The following VPS26C variants were observed in gnomAD, a reference collection of about 807,000 sequenced individuals.
The protein encoded by VPS26C is vacuolar protein sorting-associated protein 26C.
VPS26C carries 19 observed loss-of-function variants against 30.6 expected under a neutral mutation model. That is an observed-to-expected ratio of 0.62 (90% CI 0.43 to 0.91). The LOEUF is 0.91. VPS26C is among the 40% of genes least tolerant of loss of function. The pLI is 0.00. For missense variants in VPS26C, 318 were observed against 385.1 expected, an observed-to-expected ratio of 0.83 and a Z score of 1.46; for synonymous variants, 132 against 151.5, an observed-to-expected ratio of 0.87 and a Z score of 0.95.
intron 3 of VPS26C, among the ~76,000 whole-genome samples, chr21:37,235,621 T>G (rs2086012049): frequency 6.6e-6 from 1 of 152,078 alleles, no homozygotes; most frequent in African/African-American, 2.4e-5. Flanking sequence ...AAAACTTGCC[T>G]ACAATTTAAA....
intron 4 of VPS26C, chr21:37,232,762 GCA>G: frequency 4.6e-6 from 2 of 437,038 alleles, no homozygotes; most frequent in East Asian, 4.5e-5. Context: ...TGAAACCTCA[GCA>G]CAGTGACCCT....
intron 1 of VPS26C, among the ~76,000 whole-genome samples, chr21:37,243,038 A>C (rs2148294519): frequency 6.6e-6 from 1 of 152,326 alleles, no homozygotes; most frequent in African/African-American, 2.4e-5. Flanking sequence ...CCGAGGGCCA[A>C]GGGATTTAGA....
At chr21:37,267,111 G>C in intron 1 of VPS26C, 127 bp downstream of exon 1, 1 of 876,452 alleles carries the variant, frequency 1.1e-6, no homozygotes, top group Non-Finnish European at 1.9e-6. Flanking sequence ...CCACCTTGGC[G>C]GAGACGCACC....
intron 1 of VPS26C, among the ~76,000 whole-genome samples, chr21:37,250,609 A>G (rs1042130692): frequency 1.1e-5 from 1 of 92,390 alleles, no homozygotes; most frequent in East Asian, 3.1e-4. Context: ...TGCCTAAAAG[A>G]AATCAATGAA....
At chr21:37,261,902 G>T in intron 1 of VPS26C, 1 of 151,922 alleles carries the variant, frequency 6.6e-6, no homozygotes, top group East Asian at 1.9e-4. Context: ...GATGTGGGTA[G>T]GGTTACAAGG....
intron 5 of VPS26C, chr21:37,229,065 A>C (rs575613593): frequency 1.3e-5 from 2 of 152,204 alleles, no homozygotes; most frequent in Non-Finnish European, 2.9e-5. Flanking sequence ...TACAATTTTT[A>C]AAACCCAAGA....
chr21:37,255,129 G>A (rs1396155188), intron 1 of VPS26C, among the ~76,000 whole-genome samples: 3 of 152,064 alleles, frequency 2.0e-5, no homozygotes, highest in South Asian at 2.1e-4. Flanking sequence ...TGAAACACAC[G>A]GTCAAACTAT....
intron 1 of VPS26C, among the ~76,000 whole-genome samples, chr21:37,251,665 A>C (rs1041203004): frequency 6.6e-6 from 1 of 152,290 alleles, no homozygotes; most frequent in East Asian, 1.9e-4. Flanking sequence ...ATCGATCTTG[A>C]AATTCATGAA....
At chr21:37,250,624 T>A (rs1028907025) in intron 1 of VPS26C, among the ~76,000 whole-genome samples, 1 of 136 alleles carries the variant, frequency 7.4e-3, no homozygotes, top group Admixed American at 0.12. Flanking sequence ...AATGAAAGGC[T>A]GGGCGCGGTG....
intron 5 of VPS26C, among the ~76,000 whole-genome samples, chr21:37,229,960 G>A (rs1039968920): frequency 1.3e-5 from 2 of 152,130 alleles, no homozygotes; most frequent in Non-Finnish European, 2.9e-5. Context: ...CTCACCTCCT[G>A]GGCTCAGGCA....
At chr21:37,256,400 T>C (rs1569240963) in intron 1 of VPS26C, among the ~76,000 whole-genome samples, 1 of 152,232 alleles carries the variant, frequency 6.6e-6, no homozygotes, top group Non-Finnish European at 1.5e-5. Context: ...CTTTTATCTG[T>C]TTATAAAATA....
intron 1 of VPS26C, among the ~76,000 whole-genome samples, chr21:37,244,593 C>T: frequency 6.6e-6 from 1 of 152,158 alleles, no homozygotes; most frequent in Non-Finnish European, 1.5e-5. Flanking sequence ...CTTATTTGTT[C>T]TCTGTAATAA....
rs2086198870 is a variant in VPS26C at position 37,252,034 on chromosome 21, AG to A, written c.58-11396del. On this transcript the variant is annotated intron_variant, in intron 1 of 7. Transcript: ENST00000309117. Reference sequence around the variant, plus strand: ...ACAGTCGTGTGCATATATCTGAACAAGGCCTTCCCTCCTAAACCACCTGAGA... The same window carrying A: ...ACAGTCGTGTGCATATATCTGAACAAGCCTTCCCTCCTAAACCACCTGAGA... Among the ~76,000 whole-genome samples, 6 of 152,322 alleles carry A rather than the reference AG, an allele frequency of 3.9e-5. No homozygotes were observed. In the South Asian group the frequency reaches 1.2e-3, roughly 32 times the overall value.
intron 3 of VPS26C, among the ~76,000 whole-genome samples, chr21:37,235,769 A>G (rs1415241018): frequency 6.6e-6 from 1 of 151,774 alleles, no homozygotes; most frequent in Non-Finnish European, 1.5e-5. Flanking sequence ...CTAAAAAATG[A>G]CAAGAAAGCC....
intron 1 of VPS26C, among the ~76,000 whole-genome samples, chr21:37,256,976 T>TA (rs1178964156): frequency 5.3e-5 from 8 of 151,808 alleles, no homozygotes; most frequent in Admixed American, 3.9e-4. Context: ...TCTCTACAAA[T>TA]AAAAAATTAG....
chr21:37,245,855 G>C (rs1243525801), intron 1 of VPS26C, among the ~76,000 whole-genome samples: 1 of 152,014 alleles, frequency 6.6e-6, no homozygotes, highest in African/African-American at 2.4e-5. Context: ...GGGAGGAAAT[G>C]GTGAGGCAAA....
intron 3 of VPS26C, among the ~76,000 whole-genome samples, chr21:37,235,827 A>G (rs1270252630): frequency 1.4e-5 from 2 of 144,666 alleles, no homozygotes; most frequent in Admixed American, 7.1e-5. Context: ...ATACATATAC[A>G]TATATATGTG....
At position 37,238,288 on chromosome 21, in the gene VPS26C, C is replaced by A. The variant is rs1205285574; in HGVS notation, c.351+172G>T. The A allele has an allele frequency of 6.9e-6, 5 of 724,708 alleles. No individual in the cohort carries two copies. In the African/African-American group the frequency reaches 7.2e-5, roughly 11 times the overall value. 44.9% of individuals were successfully genotyped at this position (724,708 alleles called of 1,614,324 possible). ...CCCATCAGAAATAACGGCCATACAT[C>A]AAATGCATTTATCAGGGAAATGAGA... is the stretch of plus-strand genomic sequence containing the variant. On this transcript the variant is annotated intron_variant, in intron 3 of 7. Coordinates refer to ENST00000309117, the MANE Select transcript of VPS26C (RefSeq NM_006052.2).
Position 37,225,245 on chromosome 21 carries a change from C to A in VPS26C, c.*299G>T, listed in dbSNP as rs950394913. 2 of 403,610 alleles carry A rather than the reference C, an allele frequency of 5.0e-6. No homozygotes were observed. Among genetic ancestry groups the A allele is most frequent in the Admixed American group, 3.5e-5 (1 of 28,348 alleles). The allele number at this position is 403,610 out of a possible 1,614,324, so 25.0% of individuals were successfully genotyped here. On this transcript the variant is annotated 3_prime_UTR_variant, in exon 8 of 8. Transcript: ENST00000309117. ...CTGCTGTCACAATTGTTTTACTGTACCTAAAAAGGAACAGATAAGGCAAGA... is the reference window on the plus strand; with the variant it reads ...CTGCTGTCACAATTGTTTTACTGTAACTAAAAAGGAACAGATAAGGCAAGA...
Sources: allele counts gnomAD v4.1 joint callset (sites outside exome capture counted in the v4.1 genomes callset), GRCh38; gene constraint gnomAD v4.1.1; transcripts MANE v1.5; gene names NCBI Gene and HGNC (gene_info 2026-07-23, HGNC 2026-07-21).